Variants in C1orf21 observed in about 807,000 individuals in gnomAD.
C1orf21 encodes uncharacterized protein C1orf21.
Under a neutral mutation model 18.7 loss-of-function variants are expected in C1orf21, and 3 were observed. The observed-to-expected ratio is 0.16, with a 90% CI of 0.07 to 0.42. The LOEUF (loss-of-function observed/expected upper bound fraction) is 0.42. C1orf21 is among the 10% of genes least tolerant of loss of function. The pLI, the probability that C1orf21 is intolerant of heterozygous loss-of-function variation, is 0.99. For missense variants in C1orf21, 104 were observed against 143.6 expected (o/e 0.72, Z 1.41); for synonymous variants, 41 against 46.4 (o/e 0.88, Z 0.47).
In C1orf21 at chr1:184,591,180, A is replaced by T. The variant is rs1571292782; in HGVS notation, c.266+365A>T. The stretch of plus-strand genomic sequence containing the variant: ...AATCCCCCACAGATACCAAGGAACA[A>T]CTGCATTGTTTTTAAAGCTAAAAAT... On this transcript the variant is annotated intron_variant, in intron 4 of 5. Coordinates refer to ENST00000235307, the MANE Select transcript of C1orf21 (RefSeq NM_030806.4). 2.0e-5 allele frequency among the ~76,000 whole-genome samples: 3 copies of T among 152,336 alleles called. No homozygotes were observed. In the East Asian group the frequency reaches 5.8e-4, roughly 29 times the overall value.
chr1:184,610,740 C>T (rs997096301), intron 5 of C1orf21, among the ~76,000 whole-genome samples: 3 of 151,054 alleles, frequency 2.0e-5, no homozygotes, highest in Admixed American at 6.6e-5. Flanking sequence ...CCCAGGTACT[C>T]GGGAGGCTGA....
intron 1 of C1orf21, among the ~76,000 whole-genome samples, chr1:184,399,356 A>ATTTTTTTTTTTTTTTTTTTTTTTTTT (rs59376994): frequency 2.5e-5 from 2 of 79,080 alleles, no homozygotes; most frequent in Non-Finnish European, 5.2e-5. Flanking sequence ...ATGTACTTCT[A>ATTTTTTTTTTTTTTTTTTTTTTTTTT]TTTTTTTTTT....
chr1:184,435,472 T>C (rs912444520), intron 1 of C1orf21, among the ~76,000 whole-genome samples: 16 of 152,122 alleles, frequency 1.1e-4, no homozygotes, highest in African/African-American at 3.9e-4. Flanking sequence ...GCCTCCCGAG[T>C]AGCTGGGATT....
intron 1 of C1orf21, among the ~76,000 whole-genome samples, chr1:184,389,801 A>T (rs10911593): frequency 3.3e-5 from 5 of 152,180 alleles, no homozygotes; most frequent in African/African-American, 9.6e-5. Context: ...TAAAGGAGAC[A>T]CCAAAGGCTG....
At chr1:184,557,322 G>T (rs1658893350) in intron 3 of C1orf21, among the ~76,000 whole-genome samples, 1 of 152,090 alleles carries the variant, frequency 6.6e-6, no homozygotes. Context: ...CTTTAGTGGT[G>T]ATTTCTGAGA....
chr1:184,532,319 G>A (rs976926758), intron 3 of C1orf21, among the ~76,000 whole-genome samples: 1 of 152,154 alleles, frequency 6.6e-6, no homozygotes, highest in Admixed American at 6.5e-5. Flanking sequence ...GATGAGATAT[G>A]GAAAGCACCT....
At chr1:184,420,255 T>C (rs1656524497) in intron 1 of C1orf21, among the ~76,000 whole-genome samples, 1 of 151,854 alleles carries the variant, frequency 6.6e-6, no homozygotes, top group African/African-American at 2.4e-5. Context: ...GTCTTTGGGG[T>C]ATGAAAACTG....
Position 184,619,628 on chromosome 1 carries a change from A to G in C1orf21, c.*72A>G. 1 of 1,473,616 alleles carries G rather than the reference A, an allele frequency of 6.8e-7. No homozygotes were observed. 91.3% of individuals were successfully genotyped at this position (1,473,616 alleles called of 1,614,324 possible). A position where few individuals can be genotyped will look rare whatever the true frequency, so the allele number is the denominator to read the frequency against. ...TTACACCCCAGTTGAAATCTTTGCA[A>G]AGGTCGGTTCTATTCAGCGAACAGC... is the stretch of plus-strand genomic sequence containing the variant. On this transcript the variant is annotated 3_prime_UTR_variant, in exon 6 of 6. Coordinates refer to ENST00000235307, the MANE Select transcript of C1orf21 (RefSeq NM_030806.4).
At chr1:184,388,656 A>G (rs570077872) in intron 1 of C1orf21, among the ~76,000 whole-genome samples, 28 of 150,516 alleles carry the variant, frequency 1.9e-4, no homozygotes, top group Non-Finnish European at 1.5e-5. Context: ...GAGACTGTCC[A>G]GACCGTTTGG....
intron 1 of C1orf21, among the ~76,000 whole-genome samples, chr1:184,467,048 A>G (rs1326150501): frequency 6.6e-6 from 1 of 152,186 alleles, no homozygotes; most frequent in Non-Finnish European, 1.5e-5. Flanking sequence ...ACATAATTTA[A>G]GATTCTCTAT....
At chr1:184,454,125 A>T (rs1345803004) in intron 1 of C1orf21, among the ~76,000 whole-genome samples, 1 of 152,212 alleles carries the variant, frequency 6.6e-6, no homozygotes, top group Non-Finnish European at 1.5e-5. Flanking sequence ...GCAACTTTGT[A>T]TGTTTAAAAC....
chr1:184,395,223 T>A (rs962908238), intron 1 of C1orf21, among the ~76,000 whole-genome samples: 2 of 152,150 alleles, frequency 1.3e-5, no homozygotes, highest in African/African-American at 4.8e-5. Flanking sequence ...ATGTAAACCC[T>A]TCTATTGTGC....
intron 2 of C1orf21, among the ~76,000 whole-genome samples, chr1:184,502,971 A>G (rs967857695): frequency 1.3e-5 from 2 of 149,662 alleles, no homozygotes; most frequent in Admixed American, 1.3e-4. Flanking sequence ...CCAGCTACTC[A>G]GGATGCTGAG....
chr1:184,425,288 G>C (rs901524158), intron 1 of C1orf21, among the ~76,000 whole-genome samples: 2 of 149,062 alleles, frequency 1.3e-5, no homozygotes, highest in Non-Finnish European at 3.0e-5. Context: ...TTTTCCTTGA[G>C]ACAAGGTCTC....
chr1:184,395,283 T>C (rs916249535), intron 1 of C1orf21, among the ~76,000 whole-genome samples: 1 of 152,198 alleles, frequency 6.6e-6, no homozygotes, highest in African/African-American at 2.4e-5. Flanking sequence ...TATTGATTGA[T>C]TGACAGCTTG....
chr1:184,591,668 T>C (rs1659438571), intron 4 of C1orf21, among the ~76,000 whole-genome samples: 1 of 151,974 alleles, frequency 6.6e-6, no homozygotes, highest in South Asian at 2.1e-4. Flanking sequence ...TAGCCGGGCA[T>C]GGTGGCGGGC....
intron 1 of C1orf21, among the ~76,000 whole-genome samples, chr1:184,464,623 T>C (rs747291603): frequency 2.0e-5 from 3 of 152,174 alleles, no homozygotes; most frequent in Non-Finnish European, 2.9e-5. Flanking sequence ...AAGAAATGTT[T>C]AAGAAATATG....
At chr1:184,424,796 C>G (rs1198883587) in intron 1 of C1orf21, among the ~76,000 whole-genome samples, 1 of 152,126 alleles carries the variant, frequency 6.6e-6, no homozygotes, top group Non-Finnish European at 1.5e-5. Context: ...GCAGGGCTGT[C>G]AACTTCAAAG....
chr1:184,460,644 T>G (rs371017700), intron 1 of C1orf21, among the ~76,000 whole-genome samples: 39 of 144,314 alleles, frequency 2.7e-4, no homozygotes, highest in Middle Eastern at 3.6e-3. Flanking sequence ...CTTCTTCTTC[T>G]TCTTCTTCTT....
Sources: allele counts gnomAD v4.1 joint callset (sites outside exome capture counted in the v4.1 genomes callset), GRCh38; gene constraint gnomAD v4.1.1; transcripts MANE v1.5; gene names NCBI Gene and HGNC (gene_info 2026-07-23, HGNC 2026-07-21).